METTL24: variants seen among roughly 807,000 people sequenced by gnomAD.
METTL24 encodes the protein probable methyltransferase-like protein 24.
A neutral mutation model predicts 32.7 loss-of-function variants in METTL24; 29 were observed. The observed-to-expected ratio is 0.89, with a 90% CI of 0.66 to 1.21. The LOEUF (loss-of-function observed/expected upper bound fraction) is 1.21, where lower values mean the gene tolerates loss of function less well. Ranked by LOEUF, METTL24 falls within the 50% of genes most tolerant of loss-of-function variation. The pLI is 0.00. For synonymous variants in METTL24, 163 were observed against 179.5 expected, an observed-to-expected ratio of 0.91 and a Z score of 0.73; for missense variants, 439 against 468.1, an observed-to-expected ratio of 0.94 and a Z score of 0.57.
At chr6:110,281,774 C>G (rs1014774360) in intron 4 of METTL24, among the ~76,000 whole-genome samples, 15 of 152,228 alleles carry the variant, frequency 9.9e-5, no homozygotes, top group Admixed American at 2.6e-4. Flanking sequence ...TCAGTCAACA[C>G]TTGGTGCTAT....
intron 4 of METTL24, among the ~76,000 whole-genome samples, chr6:110,265,213 C>G (rs74372229): frequency 0.059 from 8,959 of 151,536 alleles, 359 homozygotes; most frequent in South Asian, 0.16. Flanking sequence ...TAATATCCCT[C>G]TATGCCAAGA....
At chr6:110,251,173 A>C (rs1358901884) in intron 4 of METTL24, among the ~76,000 whole-genome samples, 2 of 152,254 alleles carry the variant, frequency 1.3e-5, no homozygotes, top group Non-Finnish European at 2.9e-5. Flanking sequence ...GGAGTGGCAT[A>C]CACAGAAAGG....
intron 4 of METTL24, among the ~76,000 whole-genome samples, chr6:110,255,659 A>G (rs754651023): frequency 1.2e-4 from 18 of 152,144 alleles, no homozygotes; most frequent in Non-Finnish European, 2.2e-4. Context: ...TCAGAACTCA[A>G]TGCCTTAAAG....
intron 4 of METTL24, among the ~76,000 whole-genome samples, chr6:110,281,280 A>C (rs1771130755): frequency 6.6e-6 from 1 of 152,162 alleles, no homozygotes; most frequent in East Asian, 1.9e-4. Flanking sequence ...AGAGCATAGG[A>C]TAGCCATAGG....
chr6:110,256,373 A>G (rs543747994), intron 4 of METTL24, among the ~76,000 whole-genome samples: 2 of 152,300 alleles, frequency 1.3e-5, no homozygotes, highest in South Asian at 4.1e-4. Flanking sequence ...GACTCATGCT[A>G]GACCTGTCAG....
chr6:110,265,302 A>T (rs1186870452), intron 4 of METTL24, among the ~76,000 whole-genome samples: 1 of 152,182 alleles, frequency 6.6e-6, no homozygotes, highest in Non-Finnish European at 1.5e-5. Context: ...CAGTTTGCAC[A>T]TTAATACAAA....
At chr6:110,310,922 T>C (rs759468020) in intron 3 of METTL24, among the ~76,000 whole-genome samples, 4 of 152,136 alleles carry the variant, frequency 2.6e-5, no homozygotes, top group Non-Finnish European at 5.9e-5. Flanking sequence ...GCTGCATCCA[T>C]TGTCTTCGGT....
At chr6:110,308,280 C>T (rs1408189808) in intron 3 of METTL24, among the ~76,000 whole-genome samples, 2 of 152,170 alleles carry the variant, frequency 1.3e-5, no homozygotes, top group African/African-American at 4.8e-5. Context: ...TTTAACACTG[C>T]TGAAGGGCAG....
chr6:110,347,405 T>C (rs1772498817), intron 1 of METTL24, among the ~76,000 whole-genome samples: 1 of 152,180 alleles, frequency 6.6e-6, no homozygotes, highest in Admixed American at 6.5e-5. Flanking sequence ...ACTCTTAAAT[T>C]ATAAGCTGCT....
chr6:110,247,745 GA>G (rs1778195071), intron 4 of METTL24, among the ~76,000 whole-genome samples: 1 of 152,170 alleles, frequency 6.6e-6, no homozygotes, highest in African/African-American at 2.4e-5. Flanking sequence ...TGCTTGTTTA[GA>G]AAAACAGATA....
chr6:110,307,131 G>A (rs1263740139), intron 3 of METTL24, among the ~76,000 whole-genome samples: 1 of 152,084 alleles, frequency 6.6e-6, no homozygotes, highest in Non-Finnish European at 1.5e-5. Context: ...TGTTGCCTGT[G>A]GTAAGCTATA....
chr6:110,254,279 C>T (rs916937504), intron 4 of METTL24: 18 of 190,326 alleles, frequency 9.5e-5, no homozygotes, highest in Middle Eastern at 2.1e-3. Flanking sequence ...TAAATGAGTT[C>T]ATATTTTAAG....
intron 3 of METTL24, among the ~76,000 whole-genome samples, chr6:110,309,831 C>A (rs1190126570): frequency 6.6e-6 from 1 of 151,734 alleles, no homozygotes. Context: ...GACAATATCA[C>A]TCCCAAAGGG....
chr6:110,277,627 T>G, intron 4 of METTL24, among the ~76,000 whole-genome samples: 1 of 152,172 alleles, frequency 6.6e-6, no homozygotes, highest in East Asian at 1.9e-4. Flanking sequence ...AAAGAAATCT[T>G]TGTCAGGAAA....
chr6:110,265,896 C>T (rs1347614659), intron 4 of METTL24, among the ~76,000 whole-genome samples: 3 of 151,738 alleles, frequency 2.0e-5, no homozygotes, highest in African/African-American at 7.3e-5. Context: ...TCCTCCTCCT[C>T]CTCCTCTTTC....
intron 1 of METTL24, among the ~76,000 whole-genome samples, chr6:110,355,700 T>C (rs1302100944): frequency 6.6e-6 from 1 of 152,194 alleles, no homozygotes; most frequent in African/African-American, 2.4e-5. Context: ...CTGAAGGATA[T>C]CTTAAACTGA....
chr6:110,342,674 A>G (rs180812579), intron 1 of METTL24, among the ~76,000 whole-genome samples: 33 of 152,286 alleles, frequency 2.2e-4, no homozygotes, highest in African/African-American at 2.4e-4. Context: ...CATCACCCCA[A>G]AAAGAAACTC....
At position 110,298,919 on chromosome 6, in the gene METTL24, C is replaced by T. The variant is rs550383406; in HGVS notation, c.786+3G>A. On this transcript the variant is annotated splice_donor_region_variant and intron_variant, in intron 4 of 4. Transcript: ENST00000338882. ...AAGTATAAAATCAAATGAAAAACCT[C>T]ACCTTGTGATGTCCAAATTCATTCA... The T allele has an allele frequency of 1.2e-6, 2 of 1,613,532 alleles. No homozygotes were observed. Among genetic ancestry groups the T allele is most frequent in the Admixed American group, 1.7e-5 (1 of 60,006 alleles).
At chr6:110,330,594 G>A (rs1317859778) in intron 1 of METTL24, among the ~76,000 whole-genome samples, 1 of 152,138 alleles carries the variant, frequency 6.6e-6, no homozygotes, top group Non-Finnish European at 1.5e-5. Flanking sequence ...TGAGAACTGA[G>A]CTAATAGATG....
Sources: gnomAD v4.1 joint callset for allele counts (sites outside exome capture counted in the v4.1 genomes callset) on GRCh38, gnomAD v4.1.1 for gene constraint, MANE v1.5 for transcripts, NCBI Gene and HGNC (gene_info 2026-07-23, HGNC 2026-07-21) for gene names.